RIPOR2: variants seen among roughly 807,000 people sequenced by gnomAD.
The protein encoded by RIPOR2 is RHO family interacting cell polarization regulator 2, also known as rho family-interacting cell polarization regulator 2.
RIPOR2 carries 39 observed loss-of-function variants against 114.5 expected under a neutral mutation model. That is an observed-to-expected ratio of 0.34 (90% CI 0.26 to 0.44). The LOEUF (loss-of-function observed/expected upper bound fraction) is 0.44. RIPOR2 is among the 20% of genes least tolerant of loss of function. The probability of loss-of-function intolerance (pLI) is 1.00; values close to 1 mark genes in which losing one functional copy is unlikely to be tolerated. For synonymous variants in RIPOR2, 445 were observed against 484.4 expected, an observed-to-expected ratio of 0.92 and a Z score of 1.07; for missense variants, 1,007 against 1,255.1, an observed-to-expected ratio of 0.80 and a Z score of 2.99.
intron 7 of RIPOR2, among the ~76,000 whole-genome samples, chr6:24,863,249 G>A (rs9467335): frequency 0.01 from 1,578 of 152,182 alleles, 25 homozygotes; most frequent in African/African-American, 0.035. Context: ...CGCTGCACCC[G>A]GCCATGAGGA....
intron 13 of RIPOR2, among the ~76,000 whole-genome samples, chr6:24,842,497 G>A (rs1361971626): frequency 1.3e-5 from 2 of 152,128 alleles, no homozygotes; most frequent in South Asian, 2.1e-4. Flanking sequence ...CCAGGCAAAG[G>A]GCTCCCTGCT....
At position 24,869,103 on chromosome 6, in the gene RIPOR2, A is replaced by C; in HGVS notation, c.492T>G (p.His164Gln). The C allele has an allele frequency of 6.3e-7, 1 of 1,577,476 alleles. No individual in the cohort carries two copies. The highest frequency in any genetic ancestry group is 8.7e-7 in the Non-Finnish European group (1 of 1,155,094). Reference protein sequence around the residue: ...IERYMRRLEFHISKVDELYEA... With the variant: ...IERYMRRLEFQISKVDELYEA... ...CAGGAATTTCAGTTACCTTACTTAT[A>C]TGAAACTCCAGGCGTCTCATGTATC... Residue 164 changes from histidine to glutamine, a missense_variant, in exon 6 of 22, where the codon CAT becomes CAG. His to Gln is a conservative substitution (Grantham distance 24, BLOSUM62 0). Coordinates refer to ENST00000643898, the MANE Select transcript of RIPOR2 (RefSeq NM_001286445.3).
intron 1 of RIPOR2, among the ~76,000 whole-genome samples, chr6:24,903,641 T>A (rs1204639062): frequency 6.6e-6 from 1 of 152,066 alleles, no homozygotes; most frequent in Non-Finnish European, 1.5e-5. Context: ...GTGTGTATAT[T>A]TAGGGGTTAC....
intron 1 of RIPOR2, among the ~76,000 whole-genome samples, chr6:24,895,007 G>T (rs1767717478): frequency 6.6e-6 from 1 of 152,088 alleles, no homozygotes. Flanking sequence ...CTAATTTAGA[G>T]GTTCTCAAAC....
At chr6:24,994,711 A>G (rs1284962094) in intron 1 of RIPOR2, among the ~76,000 whole-genome samples, 1 of 152,104 alleles carries the variant, frequency 6.6e-6, no homozygotes, top group Non-Finnish European at 1.5e-5. Context: ...GGGTGGAACA[A>G]TGTTCCCTGG....
chr6:24,960,819 T>A (rs1283915267), intron 1 of RIPOR2, among the ~76,000 whole-genome samples: 2 of 152,166 alleles, frequency 1.3e-5, no homozygotes, highest in Non-Finnish European at 2.9e-5. Flanking sequence ...CATGAGCCAC[T>A]GTGCCTGGCC....
At position 24,825,304 on chromosome 6, in the gene RIPOR2, G is replaced by C. The variant is rs750779122; in HGVS notation, c.2790C>G (p.Thr930=). 117 of 1,551,728 alleles carry C rather than the reference G, an allele frequency of 7.5e-5. 1 individual carries two copies. The highest frequency in any genetic ancestry group is 5.7e-4 in the South Asian group (48 of 84,056). The part of the protein sequence containing the change: ...EVLRTLALLL[T]REDNEVSEAV... ...CCTCACTAACTTCGTTGTCCTCTCTGGTTAATAGCAGAGCCAGAGTCCTGA... is the reference window on the plus strand; with the variant it reads ...CCTCACTAACTTCGTTGTCCTCTCTCGTTAATAGCAGAGCCAGAGTCCTGA... The change falls in exon 19 of 22, where the codon ACC becomes ACG. Residue 930 remains threonine (T), a synonymous_variant. Transcript: ENST00000643898.
At chr6:24,988,385 G>A (rs1774631760) in intron 1 of RIPOR2, among the ~76,000 whole-genome samples, 1 of 152,040 alleles carries the variant, frequency 6.6e-6, no homozygotes. Context: ...TGTTGGCCAG[G>A]CTGGTCTCAA....
chr6:24,806,514 C>T (rs796869794), intron 21 of RIPOR2, 41 bp from the exon 22 acceptor site: 15 of 1,377,916 alleles, frequency 1.1e-5, no homozygotes, highest in Middle Eastern at 1.8e-4. Context: ...ATTCAAACAA[C>T]GTTTTTATTA....
intron 1 of RIPOR2, among the ~76,000 whole-genome samples, chr6:24,961,895 G>C (rs1004857111): frequency 6.6e-6 from 1 of 152,082 alleles, no homozygotes; most frequent in Non-Finnish European, 1.5e-5. Context: ...CCAAAGTGCT[G>C]GGATTATAAG....
chr6:24,994,080 A>T (rs911223367), intron 1 of RIPOR2, among the ~76,000 whole-genome samples: 18 of 152,202 alleles, frequency 1.2e-4, no homozygotes, highest in African/African-American at 4.3e-4. Context: ...GTTAAAATGT[A>T]AGCTCCCAGA....
intron 2 of RIPOR2, among the ~76,000 whole-genome samples, chr6:24,874,176 A>C (rs536082012): frequency 6.6e-6 from 1 of 152,284 alleles, no homozygotes; most frequent in Admixed American, 6.5e-5. Context: ...GACCACAGGC[A>C]TGCACCACCA....
At position 24,825,409 on chromosome 6, in the gene RIPOR2, C is replaced by T. The variant is rs188800315; in HGVS notation, c.2685G>A (p.Leu895=). The change falls in exon 19 of 22, where the codon CTG becomes CTA. Residue 895 remains leucine (L), a synonymous_variant. Coordinates refer to ENST00000643898, the MANE Select transcript of RIPOR2 (RefSeq NM_001286445.3). The part of the protein sequence containing the change: ...LARQVSMVQT[L]QSLRDEKLLQ... Reference sequence around the variant, plus strand: ...GCAGTTTTTCATCTCTTAGTGATTGCAGAGTCTGAACCATGGAAACTGGAG... The same window carrying T: ...GCAGTTTTTCATCTCTTAGTGATTGTAGAGTCTGAACCATGGAAACTGGAG... 58 of 1,551,978 alleles carry T rather than the reference C, an allele frequency of 3.7e-5. No individual in the cohort carries two copies. In the East Asian group the frequency reaches 1.3e-3, roughly 35 times the overall value.
chr6:25,009,915 C>T (rs538270735), intron 1 of RIPOR2, among the ~76,000 whole-genome samples: 2 of 152,154 alleles, frequency 1.3e-5, no homozygotes, highest in East Asian at 3.9e-4. Context: ...AGGAAAGGCC[C>T]TGTGGTGTGG....
chr6:24,969,559 C>T (rs1308220282), intron 1 of RIPOR2, among the ~76,000 whole-genome samples: 1 of 152,072 alleles, frequency 6.6e-6, no homozygotes, highest in African/African-American at 2.4e-5. Flanking sequence ...GGTGTGAGGC[C>T]CCAATGTGCA....
intron 1 of RIPOR2, among the ~76,000 whole-genome samples, chr6:25,020,420 G>C (rs1006335121): frequency 6.6e-6 from 1 of 152,176 alleles, no homozygotes; most frequent in Admixed American, 6.5e-5. Context: ...CAATTAATTA[G>C]GCTTCTCCAA....
intron 1 of RIPOR2, among the ~76,000 whole-genome samples, chr6:24,986,883 C>T (rs570703823): frequency 6.6e-6 from 1 of 150,546 alleles, no homozygotes; most frequent in South Asian, 2.1e-4. Flanking sequence ...TTGGGCCACA[C>T]ATAAAATACA....
chr6:24,840,008 G>A, intron 13 of RIPOR2: 1 of 916,298 alleles, frequency 1.1e-6, no homozygotes, highest in Non-Finnish European at 1.3e-6. Context: ...GGAGTGCAGT[G>A]GTGTGATCAC....
upstream of RIPOR2, among the ~76,000 whole-genome samples, chr6:24,938,482 CT>C (rs1368845020): frequency 6.6e-6 from 1 of 152,180 alleles, no homozygotes; most frequent in African/African-American, 2.4e-5. Flanking sequence ...AAATAATATA[CT>C]TTCTCATTTG....
Sources: allele counts gnomAD v4.1 joint callset (sites outside exome capture counted in the v4.1 genomes callset), GRCh38; gene constraint gnomAD v4.1.1; transcripts MANE v1.5; gene names NCBI Gene and HGNC (gene_info 2026-07-23, HGNC 2026-07-21).